The following UQCRH variants were observed in gnomAD, a reference collection of about 807,000 sequenced individuals.
UQCRH encodes cytochrome b-c1 complex subunit 6, mitochondrial.
In UQCRH, 14 loss-of-function variants were observed where a neutral mutation model predicts 16.3. The observed-to-expected ratio is 0.86, with a 90% confidence interval of 0.57 to 1.34. UQCRH has a LOEUF of 1.34. Among genes scored for constraint, UQCRH ranks in the 40% most tolerant of loss-of-function variants. The pLI, the probability that UQCRH is intolerant of heterozygous loss-of-function variation, is 0.00. For missense variants in UQCRH, 89 were observed against 111.9 expected (o/e 0.80, Z 0.92); for synonymous variants, 41 against 41.9 (o/e 0.98, Z 0.08).
At chr1:46,309,609 G>T (rs1303201545) in intron 2 of UQCRH, 1 of 182,212 alleles carries the variant, frequency 5.5e-6, no homozygotes, top group Non-Finnish European at 1.1e-5. Flanking sequence ...GGCGGAGGTT[G>T]TGGTGAGCTG....
chr1:46,314,787 G>A (rs556312175), intron 3 of UQCRH, among the ~76,000 whole-genome samples: 1 of 152,272 alleles, frequency 6.6e-6, no homozygotes, highest in African/African-American at 2.4e-5. Flanking sequence ...CCACTTTGGT[G>A]AGGTACCTAG....
At chr1:46,316,507 A>AT in intron 3 of UQCRH, 45 bp from the exon 4 acceptor site, 2 of 1,613,532 alleles carry the variant, frequency 1.2e-6, no homozygotes, top group Non-Finnish European at 1.7e-6. Context: ...AAGCCATGAC[A>AT]TTAAAGCTGC....
Position 46,310,138 on chromosome 1 carries a change from T to C in UQCRH, c.82-17T>C, listed in dbSNP as rs761257439. 6.2e-7 allele frequency: 1 copy of C among 1,614,224 alleles called. No homozygotes were observed. Among genetic ancestry groups the C allele is most frequent in the Non-Finnish European group, 8.5e-7 (1 of 1,180,048 alleles). On this transcript the variant is annotated splice_polypyrimidine_tract_variant and intron_variant, in intron 2 of 3. Coordinates refer to ENST00000311672, the MANE Select transcript of UQCRH (RefSeq NM_006004.4). ...GCTAAAAATGCCCATTTTGTTTTTT[T>C]TCTGTTTCTACATCAGGATCCCCTA...
intron 1 of UQCRH, among the ~76,000 whole-genome samples, chr1:46,305,855 G>A (rs1038872256): frequency 6.6e-6 from 1 of 151,668 alleles, no homozygotes; most frequent in African/African-American, 2.4e-5. Context: ...TCCCAGGCTG[G>A]AGTGCAGTGG....
chr1:46,309,770 T>C (rs1397030500), intron 2 of UQCRH: 45 of 919,686 alleles, frequency 4.9e-5, no homozygotes, highest in Admixed American at 1.8e-4. Context: ...TGCATAGGCC[T>C]GGTTCTCAGA....
intron 1 of UQCRH, among the ~76,000 whole-genome samples, chr1:46,308,279 C>T (rs1456690430): frequency 6.6e-6 from 1 of 152,000 alleles, no homozygotes; most frequent in Non-Finnish European, 1.5e-5. Context: ...ATATGCCACA[C>T]AAAAAAATGC....
intron 1 of UQCRH, among the ~76,000 whole-genome samples, chr1:46,308,780 G>A (rs533380297): frequency 6.6e-6 from 1 of 152,338 alleles, no homozygotes; most frequent in African/African-American, 2.4e-5. Context: ...GTTTGTGGCT[G>A]CAGTGAGCTA....
At chr1:46,316,251 T>C (rs1394983245) in intron 3 of UQCRH, among the ~76,000 whole-genome samples, 1 of 152,172 alleles carries the variant, frequency 6.6e-6, no homozygotes, top group African/African-American at 2.4e-5. Context: ...TAATATGTAA[T>C]GTTAATGTCA....
rs146007813 is a variant in UQCRH, at chr1:46,313,842, A to G, written c.244-2710A>G. ...GGTGACAGACTGAGACCCTGTCTCA[A>G]AAAAAAAAAAACAAGTTCTTTTCTC... On this transcript the variant is annotated intron_variant, in intron 3 of 3. Transcript: ENST00000311672. Among the ~76,000 whole-genome samples the G allele has an allele frequency of 8.7e-3, 1,273 of 146,718 alleles. 11 individuals are homozygous for G. The highest frequency in any genetic ancestry group is 0.014 in the Non-Finnish European group (909 of 66,892).
intron 1 of UQCRH, among the ~76,000 whole-genome samples, chr1:46,305,954 C>T (rs1661365737): frequency 6.6e-6 from 1 of 151,730 alleles, no homozygotes; most frequent in African/African-American, 2.4e-5. Flanking sequence ...TACAGGCGCA[C>T]GCCACCTAAT....
intron 1 of UQCRH, among the ~76,000 whole-genome samples, chr1:46,308,809 T>G (rs1351124005): frequency 6.6e-6 from 1 of 152,168 alleles, no homozygotes; most frequent in African/African-American, 2.4e-5. Context: ...CAAGACTCTG[T>G]CTCTTAAACA....
In UQCRH at chr1:46,316,732, A is replaced by G. The variant is rs1425348347; in HGVS notation, c.*148A>G. 1.8e-6 allele frequency: 2 copies of G among 1,119,464 alleles called. No individual in the cohort carries two copies. Among genetic ancestry groups the G allele is most frequent in the Non-Finnish European group, 2.5e-6 (2 of 807,438 alleles). 69.3% of individuals were successfully genotyped at this position (1,119,464 alleles called of 1,614,324 possible). A position where few individuals can be genotyped will look rare whatever the true frequency, so the allele number is the denominator to read the frequency against. On this transcript the variant is annotated 3_prime_UTR_variant, in exon 4 of 4. Coordinates refer to ENST00000311672, the MANE Select transcript of UQCRH (RefSeq NM_006004.4). Reference sequence around the variant, plus strand: ...TGGCTTAGGCTGGTAGCTTCTATGTAATTCGCAATGATTCCATCTAAATAA... The same window carrying G: ...TGGCTTAGGCTGGTAGCTTCTATGTGATTCGCAATGATTCCATCTAAATAA...
At position 46,310,094 on chromosome 1, in the gene UQCRH, ATG is replaced by A. The variant is rs913171755; in HGVS notation, c.82-57_82-56del. On this transcript the variant is annotated intron_variant, in intron 2 of 3. Transcript: ENST00000311672. ...TTGGTGGTTGTGTTAATCAAAGCAT[ATG>A]TGTTTGGTGGGTCTCTGCTAAAAAT... 5.6e-6 allele frequency: 9 copies of A among 1,609,160 alleles called. No homozygotes were observed. In the African/African-American group the frequency reaches 1.2e-4, roughly 21 times the overall value.
At chr1:46,308,268 G>C (rs1353829995) in intron 1 of UQCRH, among the ~76,000 whole-genome samples, 2 of 152,136 alleles carry the variant, frequency 1.3e-5, no homozygotes, top group African/African-American at 2.4e-5. Flanking sequence ...GAAAGAGAGG[G>C]ATATGCCACA....
chr1:46,307,133 C>T (rs1364361941), intron 1 of UQCRH, among the ~76,000 whole-genome samples: 1 of 152,148 alleles, frequency 6.6e-6, no homozygotes, highest in African/African-American at 2.4e-5. Flanking sequence ...CAACCTCTGC[C>T]TCCTGGTTTC....
chr1:46,316,631 A>G lies in UQCRH; in HGVS notation c.*47A>G. 6.2e-7 allele frequency: 1 copy of G among 1,609,230 alleles called. No homozygotes were observed. The stretch of plus-strand genomic sequence containing the variant: ...CAGTCTTCATCATCTGGGCATCAGA[A>G]TATTTCCTTATGGTTTTGGATGTAC... On this transcript the variant is annotated 3_prime_UTR_variant, in exon 4 of 4. Coordinates refer to ENST00000311672, the MANE Select transcript of UQCRH (RefSeq NM_006004.4).
Position 46,308,733 on chromosome 1 carries a change from C to G in UQCRH, c.55-368C>G, listed in dbSNP as rs569831176. 3.9e-5 allele frequency among the ~76,000 whole-genome samples: 6 copies of G among 152,180 alleles called. No individual in the cohort carries two copies. The South Asian group carries it at 1.2e-3, about 32-fold the overall frequency. ...GCGTGTGCTTATAGTCCTAGCTACT[C>G]AGAAGGCTGAGGCAGGAGGATCACT... On this transcript the variant is annotated intron_variant, in intron 1 of 3. Coordinates refer to ENST00000311672, the MANE Select transcript of UQCRH (RefSeq NM_006004.4).
At chr1:46,309,054 TATGTC>T (rs1661422554) in intron 1 of UQCRH, 42 bp from the exon 2 acceptor site, 1 of 1,596,548 alleles carries the variant, frequency 6.3e-7, no homozygotes, top group African/African-American at 1.3e-5. Flanking sequence ...CAGGAATAAA[TATGTC>T]ATAAAATTGC....
At chr1:46,311,157 C>T (rs1661466214) in intron 3 of UQCRH, among the ~76,000 whole-genome samples, 1 of 152,000 alleles carries the variant, frequency 6.6e-6, no homozygotes, top group African/African-American at 2.4e-5. Context: ...TATCCCATTT[C>T]ACAGATAGAA....
Sources: allele counts gnomAD v4.1 joint callset (sites outside exome capture counted in the v4.1 genomes callset), GRCh38; gene constraint gnomAD v4.1.1; transcripts MANE v1.5; gene names NCBI Gene and HGNC (gene_info 2026-07-23, HGNC 2026-07-21).